The following MYO3A variants were observed in gnomAD, a reference collection of about 807,000 sequenced individuals.
The protein encoded by MYO3A is myosin-IIIa.
MYO3A carries 180 observed loss-of-function variants against 192.7 expected under a neutral mutation model. The ratio of observed to expected loss-of-function variants is 0.93; its 90% CI spans 0.83 to 1.06. The LOEUF (loss-of-function observed/expected upper bound fraction) is 1.06, where lower values mean the gene tolerates loss of function less well. Ranked by LOEUF, MYO3A falls within the 50% of genes least tolerant of loss-of-function variation. The pLI is 0.00. For missense variants in MYO3A, 1,896 were observed against 1,905.0 expected (o/e 1.00, Z 0.09); for synonymous variants, 628 against 645.3 (o/e 0.97, Z 0.41).
chr10:25,953,982 T>C (rs1837377594), intron 3 of MYO3A, among the ~76,000 whole-genome samples: 1 of 152,166 alleles, frequency 6.6e-6, no homozygotes, highest in Non-Finnish European at 1.5e-5. Context: ...AGTCTTACTC[T>C]TACATATTTT....
At chr10:26,171,420 C>T (rs1235160582) in intron 29 of MYO3A, among the ~76,000 whole-genome samples, 2 of 152,208 alleles carry the variant, frequency 1.3e-5, no homozygotes, top group Non-Finnish European at 2.9e-5. Flanking sequence ...TCACCCACCG[C>T]TATTCTCTCC....
Position 26,128,807 on chromosome 10 carries a change from G to A in MYO3A, c.2262+269G>A, listed in dbSNP as rs77048346. Among the ~76,000 whole-genome samples the A allele has an allele frequency of 3.0e-4, 45 of 152,266 alleles. No homozygotes were observed. In the East Asian group the frequency reaches 6.4e-3, roughly 22 times the overall value. ...CTTAGAATTCTGAGCCTTTGTAAAC[G>A]AAGATATTTCCTTTGAAAATTTAAG... On this transcript the variant is annotated intron_variant, in intron 20 of 34. Coordinates refer to ENST00000642920, the MANE Select transcript of MYO3A (RefSeq NM_017433.5).
intron 17 of MYO3A, among the ~76,000 whole-genome samples, chr10:26,099,740 C>T (rs1837310401): frequency 6.6e-6 from 1 of 152,144 alleles, no homozygotes; most frequent in South Asian, 2.1e-4. Flanking sequence ...TTGAACCAGC[C>T]TTGCATCCCA....
intron 4 of MYO3A, among the ~76,000 whole-genome samples, chr10:25,978,009 A>AT (rs992846994): frequency 3.2e-4 from 49 of 151,716 alleles, no homozygotes; most frequent in African/African-American, 1.1e-3. Context: ...TCTAATGTGA[A>AT]TTTTTTTTTA....
chr10:25,954,821 G>C (rs1411305146), intron 3 of MYO3A, 53 bp from the exon 4 acceptor site: 2 of 1,559,206 alleles, frequency 1.3e-6, no homozygotes, highest in African/African-American at 1.4e-5. Context: ...CTGTTTCTTT[G>C]ACATTACTCA....
chr10:26,141,479 C>T (rs896423164), intron 20 of MYO3A, among the ~76,000 whole-genome samples: 8 of 152,134 alleles, frequency 5.3e-5, no homozygotes, highest in East Asian at 1.9e-4. Context: ...TTGTTTTCCA[C>T]GCCACTCATC....
At chr10:26,127,681 T>C (rs189875523) in intron 19 of MYO3A, among the ~76,000 whole-genome samples, 4 of 152,164 alleles carry the variant, frequency 2.6e-5, no homozygotes, top group Admixed American at 2.0e-4. Flanking sequence ...TTGTACTTTC[T>C]TTTTATAATT....
At position 26,157,349 on chromosome 10, in the gene MYO3A, C is replaced by A. The variant is rs1165613956; in HGVS notation, c.2833C>A (p.Gln945Lys). 1 of 1,613,938 alleles carries A rather than the reference C, an allele frequency of 6.2e-7. No homozygotes were observed. Among genetic ancestry groups the A allele is most frequent in the Non-Finnish European group, 8.5e-7 (1 of 1,180,004 alleles). ...MDLLSKMVVG[Q>K]PHFVRCIKPN... is the part of the protein sequence containing the mutation. ...TTTGTTGTCTAAAATGGTGGTGGGCCAACCTCATTTTGTCCGTTGCATCAA... is the reference window on the plus strand; with the variant it reads ...TTTGTTGTCTAAAATGGTGGTGGGCAAACCTCATTTTGTCCGTTGCATCAA... The change falls in exon 26 of 35, where the codon CAA becomes AAA. Residue 945 changes from glutamine to lysine, a missense_variant. By Grantham distance (53) the Gln-to-Lys change is moderately conservative. Transcript: ENST00000642920.
At chr10:26,113,705 T>C (rs1390827746) in intron 17 of MYO3A, among the ~76,000 whole-genome samples, 1 of 152,120 alleles carries the variant, frequency 6.6e-6, no homozygotes, top group Non-Finnish European at 1.5e-5. Context: ...ATAAAAATAA[T>C]TCTGTGCTAG....
At chr10:26,065,976 C>T (rs1476467693) in intron 10 of MYO3A, among the ~76,000 whole-genome samples, 2 of 90,492 alleles carry the variant, frequency 2.2e-5, no homozygotes, top group African/African-American at 7.5e-5. Flanking sequence ...ATTAGCCGGG[C>T]ATGGTGGCGC....
chr10:26,081,966 A>C (rs183160904), intron 14 of MYO3A, among the ~76,000 whole-genome samples: 1 of 152,142 alleles, frequency 6.6e-6, no homozygotes, highest in South Asian at 2.1e-4. Context: ...TAGAGGATCT[A>C]TGGGTCCTCT....
intron 10 of MYO3A, among the ~76,000 whole-genome samples, chr10:26,048,854 C>T (rs190524180): frequency 6.9e-4 from 105 of 152,160 alleles, no homozygotes; most frequent in Admixed American, 1.1e-3. Context: ...TTCAATGCCA[C>T]GGCATTGGAT....
intron 10 of MYO3A, among the ~76,000 whole-genome samples, chr10:26,063,541 C>T (rs1834636185): frequency 6.6e-6 from 1 of 152,088 alleles, no homozygotes; most frequent in South Asian, 2.1e-4. Flanking sequence ...GTTCCAGCAC[C>T]ATATGTTGAA....
At chr10:26,199,191 A>G (rs1161212434) in intron 32 of MYO3A, among the ~76,000 whole-genome samples, 3 of 152,158 alleles carry the variant, frequency 2.0e-5, no homozygotes, top group Non-Finnish European at 4.4e-5. Context: ...TTGTATAACG[A>G]CTTATATTAT....
chr10:26,125,136 A>G (rs1405622072), intron 18 of MYO3A, among the ~76,000 whole-genome samples: 1 of 152,210 alleles, frequency 6.6e-6, no homozygotes, highest in African/African-American at 2.4e-5. Context: ...TCGCTTATGC[A>G]GCTGTATTAC....
intron 20 of MYO3A, among the ~76,000 whole-genome samples, chr10:26,129,687 C>T (rs1839423771): frequency 6.6e-6 from 1 of 152,122 alleles, no homozygotes; most frequent in African/African-American, 2.4e-5. Context: ...CTGGAATGGC[C>T]CTTCCTCATC....
intron 14 of MYO3A, among the ~76,000 whole-genome samples, chr10:26,075,164 T>C (rs1225513818): frequency 6.6e-6 from 1 of 152,126 alleles, no homozygotes; most frequent in Admixed American, 6.6e-5. Flanking sequence ...TAGTTTTAAA[T>C]CAGGAAGTAA....
Position 25,954,861 on chromosome 10 carries a change from T to A in MYO3A, c.169-13T>A. 6.2e-7 allele frequency: 1 copy of A among 1,610,446 alleles called. No individual in the cohort carries two copies. Among genetic ancestry groups the A allele is most frequent in the South Asian group, 1.1e-5 (1 of 90,956 alleles). On this transcript the variant is annotated splice_polypyrimidine_tract_variant and intron_variant, in intron 3 of 34. Transcript: ENST00000642920. Reference sequence around the variant, plus strand: ...TTTCTCACAGTTCTATTCTTATGACTTTTTGAAACTAGGATATTGACGAAG... The same window carrying A: ...TTTCTCACAGTTCTATTCTTATGACATTTTGAAACTAGGATATTGACGAAG...
intron 10 of MYO3A, among the ~76,000 whole-genome samples, chr10:26,062,530 A>AAAAAAAAAAAAAAAAAAAAAAAAAAAG (rs1554816581): frequency 1.6e-5 from 2 of 125,944 alleles, no homozygotes; most frequent in Non-Finnish European, 3.4e-5. Flanking sequence ...AAAAAAAAAA[A>AAAAAAAAAAAAAAAAAAAAAAAAAAAG]AAATTATGGA....
Sources: gnomAD v4.1 joint callset for allele counts (sites outside exome capture counted in the v4.1 genomes callset) on GRCh38, gnomAD v4.1.1 for gene constraint, MANE v1.5 for transcripts, NCBI Gene and HGNC (gene_info 2026-07-23, HGNC 2026-07-21) for gene names.